The following INPP5A variants were observed in gnomAD, a reference collection of about 807,000 sequenced individuals.
The protein encoded by INPP5A is 43 kDa inositol polyphosphate 5-phophatase.
In INPP5A, 14 loss-of-function variants were observed where a neutral mutation model predicts 65.2. That is an observed-to-expected ratio of 0.21 (90% CI 0.14 to 0.34). INPP5A has a LOEUF of 0.34. Among genes scored for constraint, INPP5A ranks in the 10% least tolerant of loss-of-function variants. INPP5A has a pLI of 1.00. For missense variants in INPP5A, 431 were observed against 545.6 expected, an observed-to-expected ratio of 0.79 and a Z score of 2.09; for synonymous variants, 207 against 208.3, an observed-to-expected ratio of 0.99 and a Z score of 0.05.
At position 132,616,780 on chromosome 10, in the gene INPP5A, G is replaced by A. The variant is rs910083471; in HGVS notation, c.117+8824G>A. Among the ~76,000 whole-genome samples, 20 of 151,982 alleles carry A rather than the reference G, an allele frequency of 1.3e-4. No homozygotes were observed. The highest frequency in any genetic ancestry group is 4.8e-4 in the African/African-American group (20 of 41,332). ...GGGGGACGTGGCGTGGGGGATATGG[G>A]GTCCTGGATCTCCTGTAGCTCTGGC... On this transcript the variant is annotated intron_variant, in intron 2 of 15. Coordinates refer to ENST00000368594, the MANE Select transcript of INPP5A (RefSeq NM_005539.5). The surrounding 1 kb of genome is among the most constrained non-coding windows in gnomAD (Gnocchi z 4.9).
At chr10:132,560,663 G>A (rs1019072421) in intron 1 of INPP5A, among the ~76,000 whole-genome samples, 11 of 152,104 alleles carry the variant, frequency 7.2e-5, no homozygotes, top group African/African-American at 1.7e-4. Context: ...GCAGTGGTGC[G>A]ATGATAGCTC....
In INPP5A at chr10:132,633,529, C is replaced by T. The variant is rs572960093; in HGVS notation, c.118-12339C>T. On this transcript the variant is annotated intron_variant, in intron 2 of 15. Transcript: ENST00000368594. ...TGGGTTCGTACTGTCTGAGCCTGGGCACCGCACCTCCTCCAGAGCTGGCAA... is the reference window on the plus strand; with the variant it reads ...TGGGTTCGTACTGTCTGAGCCTGGGTACCGCACCTCCTCCAGAGCTGGCAA... Among the ~76,000 whole-genome samples, 17 of 152,242 alleles carry T rather than the reference C, an allele frequency of 1.1e-4. No individual in the cohort carries two copies. In the East Asian group the frequency reaches 3.3e-3, roughly 29 times the overall value.
chr10:132,649,631 A>C (rs2072545695), intron 3 of INPP5A, among the ~76,000 whole-genome samples: 1 of 152,058 alleles, frequency 6.6e-6, no homozygotes, highest in Non-Finnish European at 1.5e-5. Context: ...TCTTCCTGAC[A>C]CATGGACTGG....
intron 8 of INPP5A, among the ~76,000 whole-genome samples, chr10:132,713,956 G>A (rs1385741110): frequency 1.3e-5 from 2 of 152,154 alleles, no homozygotes; most frequent in Admixed American, 1.3e-4. Context: ...AGTCGCCCAG[G>A]GAGAAGGGCC....
chr10:132,586,099 G>C (rs534104835), intron 1 of INPP5A, among the ~76,000 whole-genome samples: 3 of 152,274 alleles, frequency 2.0e-5, no homozygotes, highest in African/African-American at 7.2e-5. Context: ...TTTGGGAAAT[G>C]GGTGTGCCTC....
At position 132,783,262 on chromosome 10, in the gene INPP5A, G is replaced by T. The variant is rs1034414558; in HGVS notation, c.*1233G>T. 6.6e-6 allele frequency: 1 copy of T among 152,224 alleles called. No individual in the cohort carries two copies. The highest frequency in any genetic ancestry group is 1.5e-5 in the Non-Finnish European group (1 of 68,030). 9.4% of individuals were successfully genotyped at this position (152,224 alleles called of 1,614,324 possible). On this transcript the variant is annotated 3_prime_UTR_variant, in exon 16 of 16. Coordinates refer to ENST00000368594, the MANE Select transcript of INPP5A (RefSeq NM_005539.5). Reference sequence around the variant, plus strand: ...CTGGACCGGGTGAAGGCATTAGCTGGGTGTTTGTGTGGGATAAATACTACC... The same window carrying T: ...CTGGACCGGGTGAAGGCATTAGCTGTGTGTTTGTGTGGGATAAATACTACC...
chr10:132,554,323 G>T (rs970607007), intron 1 of INPP5A, among the ~76,000 whole-genome samples: 3 of 152,174 alleles, frequency 2.0e-5, no homozygotes, highest in Admixed American at 6.5e-5. Flanking sequence ...TGAGGGATTT[G>T]TCCAGTGGCT....
chr10:132,780,888 G>A lies in INPP5A; in HGVS notation c.1129G>A (p.Gly377Arg), dbSNP rs1186747291. 6.2e-7 allele frequency: 1 copy of A among 1,613,232 alleles called. No individual in the cohort carries two copies. Among genetic ancestry groups the A allele is most frequent in the Admixed American group, 1.7e-5 (1 of 60,026 alleles). The part of the protein sequence containing the change: ...EEKVVTYDHI[G>R]PNVCMGDHKP... The stretch of plus-strand genomic sequence containing the variant: ...GAAGGTTGTCACCTATGACCACATT[G>A]GGCCCAACGTCTGCATGGGAGACCA... The change falls in exon 14 of 16, where the codon GGG (glycine) becomes AGG (arginine). Residue 377 changes from glycine to arginine, a missense_variant. By Grantham distance (125) the Gly-to-Arg change is moderately radical (BLOSUM62 -2). Coordinates refer to ENST00000368594, the MANE Select transcript of INPP5A (RefSeq NM_005539.5).
rs142943508 is a variant in INPP5A at position 132,713,697 on chromosome 10, C to G, written c.647+3241C>G. Among the ~76,000 whole-genome samples, 448 of 152,274 alleles carry G rather than the reference C, an allele frequency of 2.9e-3. 1 individual carries two copies. Among genetic ancestry groups the G allele is most frequent in the Non-Finnish European group, 5.5e-3 (373 of 67,984 alleles). ...GCCTGGGTGCTGCTGTGCTCGTGGC[C>G]ACACACTGAGGCCGGCCCTCAGCCC... On this transcript the variant is annotated intron_variant, in intron 8 of 15. Coordinates refer to ENST00000368594, the MANE Select transcript of INPP5A (RefSeq NM_005539.5).
rs1245289736 is a variant in INPP5A at position 132,650,344 on chromosome 10, T to C, written c.219-74T>C. On this transcript the variant is annotated intron_variant, in intron 3 of 15. Transcript: ENST00000368594. The surrounding 1 kb of genome is among the most constrained non-coding windows in gnomAD (Gnocchi z 5.5). Reference sequence around the variant, plus strand: ...TACCTATGTGCTGGAGCCCCTCTTATACCTTGTGGTCATCTCATGAGGTGC... The same window carrying C: ...TACCTATGTGCTGGAGCCCCTCTTACACCTTGTGGTCATCTCATGAGGTGC... 1 of 971,602 alleles carries C rather than the reference T, an allele frequency of 1.0e-6. No homozygotes were observed. The highest frequency in any genetic ancestry group is 1.7e-5 in the Admixed American group (1 of 58,580). The allele number at this position is 971,602 out of a possible 1,614,324, so 60.2% of individuals were successfully genotyped here.
At chr10:132,602,183 C>G (rs1322139469) in intron 1 of INPP5A, among the ~76,000 whole-genome samples, 1 of 152,162 alleles carries the variant, frequency 6.6e-6, no homozygotes, top group African/African-American at 2.4e-5. Flanking sequence ...AAGTTTATTT[C>G]TAAGTTTTTT....
intron 12 of INPP5A, among the ~76,000 whole-genome samples, chr10:132,767,857 G>A (rs12780215): frequency 0.15 from 19,536 of 132,256 alleles, 1,718 homozygotes; most frequent in Non-Finnish European, 0.2. Context: ...AACCCTCAGC[G>A]TTCCCAGGGT....
Position 132,708,296 on chromosome 10 carries a change from A to G in INPP5A, c.475-17A>G, listed in dbSNP as rs1226771219. 5.6e-6 allele frequency: 9 copies of G among 1,613,492 alleles called. No individual in the cohort carries two copies. The highest frequency in any genetic ancestry group is 7.6e-6 in the Non-Finnish European group (9 of 1,179,624). On this transcript the variant is annotated splice_polypyrimidine_tract_variant and intron_variant, in intron 6 of 15. Coordinates refer to ENST00000368594, the MANE Select transcript of INPP5A (RefSeq NM_005539.5). ...TCACTTACTCTGGCTCATTTGTGTGACGTGTTTATTTTTCAGTGCAAATGG... is the reference window on the plus strand; with the variant it reads ...TCACTTACTCTGGCTCATTTGTGTGGCGTGTTTATTTTTCAGTGCAAATGG...
At position 132,600,585 on chromosome 10, in the gene INPP5A, C is replaced by T. The variant is rs181244683; in HGVS notation, c.76-7330C>T. The stretch of plus-strand genomic sequence containing the variant: ...CTGTTATGCAGTTCCAAAGTCTCTT[C>T]CACATATTCGGGTATCTTTTCAGCA... On this transcript the variant is annotated intron_variant, in intron 1 of 15. Coordinates refer to ENST00000368594, the MANE Select transcript of INPP5A (RefSeq NM_005539.5). Among the ~76,000 whole-genome samples the T allele has an allele frequency of 4.0e-3, 610 of 152,330 alleles. 2 individuals carry two copies. The highest frequency in any genetic ancestry group is 6.2e-3 in the Non-Finnish European group (419 of 68,044).
At chr10:132,563,693 G>A (rs1363974271) in intron 1 of INPP5A, among the ~76,000 whole-genome samples, 1 of 151,928 alleles carries the variant, frequency 6.6e-6, no homozygotes, top group Non-Finnish European at 1.5e-5. Flanking sequence ...GAAAGGAAAG[G>A]AGAGAAAGGA....
chr10:132,639,331 C>T (rs1265474022), intron 2 of INPP5A, among the ~76,000 whole-genome samples: 7 of 148,938 alleles, frequency 4.7e-5, no homozygotes, highest in Non-Finnish European at 8.9e-5. Flanking sequence ...TTTCCTTAAG[C>T]ACTTTAAAGG....
intron 2 of INPP5A, among the ~76,000 whole-genome samples, chr10:132,618,268 C>T (rs374527470): frequency 1.3e-5 from 2 of 152,334 alleles, no homozygotes; most frequent in African/African-American, 4.8e-5. Flanking sequence ...ATAGCTTCTC[C>T]CATCAGCAGT....
intron 1 of INPP5A, among the ~76,000 whole-genome samples, chr10:132,568,035 A>G (rs1261433014): frequency 6.6e-6 from 1 of 152,020 alleles, no homozygotes; most frequent in Non-Finnish European, 1.5e-5. Context: ...TACTGAAAAT[A>G]CAAAAATTAG....
intron 9 of INPP5A, among the ~76,000 whole-genome samples, chr10:132,738,935 C>T (rs1369654215): frequency 6.6e-6 from 1 of 152,196 alleles, no homozygotes; most frequent in East Asian, 1.9e-4. Context: ...ACGGTGGGCA[C>T]TTTTGTCAAG....
Sources: allele counts gnomAD v4.1 joint callset (sites outside exome capture counted in the v4.1 genomes callset), GRCh38; gene constraint gnomAD v4.1.1; non-coding constraint Gnocchi (gnomAD v3.1); transcripts MANE v1.5; gene names NCBI Gene and HGNC (gene_info 2026-07-23, HGNC 2026-07-21).